Variants in PRKCH observed in about 807,000 individuals in gnomAD.
PRKCH encodes the protein protein kinase C eta type.
Under a neutral mutation model 82.5 loss-of-function variants are expected in PRKCH, and 28 were observed. The observed-to-expected ratio is 0.34, with a 90% CI of 0.25 to 0.47. PRKCH has a LOEUF of 0.47. PRKCH is among the 20% of genes least tolerant of loss of function. The pLI is 1.00. For missense variants in PRKCH, 705 were observed against 881.8 expected (o/e 0.80, Z 2.54); for synonymous variants, 322 against 327.4 (o/e 0.98, Z 0.18).
intron 10 of PRKCH, among the ~76,000 whole-genome samples, chr14:61,514,185 C>T (rs1488120493): frequency 1.3e-5 from 2 of 152,058 alleles, no homozygotes; most frequent in East Asian, 3.9e-4. Flanking sequence ...CCTGGCTGAC[C>T]CGTCTGCTCA....
intron 9 of PRKCH, among the ~76,000 whole-genome samples, chr14:61,466,822 T>C (rs533624317): frequency 6.6e-5 from 10 of 152,282 alleles, no homozygotes; most frequent in Non-Finnish European, 1.3e-4. Flanking sequence ...TGGGGCGTCT[T>C]TACGATGTCA....
intron 1 of PRKCH, among the ~76,000 whole-genome samples, chr14:61,345,646 A>G (rs1215088892): frequency 6.6e-6 from 1 of 152,246 alleles, no homozygotes; most frequent in Non-Finnish European, 1.5e-5. Context: ...TAAGTATTTC[A>G]TGTGCATTAA....
At chr14:61,405,679 A>G (rs946659335) in intron 2 of PRKCH, among the ~76,000 whole-genome samples, 1 of 152,124 alleles carries the variant, frequency 6.6e-6, no homozygotes, top group African/African-American at 2.4e-5. Context: ...TGCCTGGCCA[A>G]ATCTTCTATT....
chr14:61,391,774 G>T (rs1429775770), intron 2 of PRKCH, among the ~76,000 whole-genome samples: 1 of 152,038 alleles, frequency 6.6e-6, no homozygotes, highest in African/African-American at 2.4e-5. Flanking sequence ...TTTACTTGAG[G>T]TAAAATTTAT....
At chr14:61,524,058 A>C (rs946637153) in intron 10 of PRKCH, among the ~76,000 whole-genome samples, 1 of 152,248 alleles carries the variant, frequency 6.6e-6, no homozygotes, top group African/African-American at 2.4e-5. Flanking sequence ...AAAATAGTTC[A>C]TATAAATAGC....
chr14:61,366,960 G>A (rs2046304638), intron 1 of PRKCH, among the ~76,000 whole-genome samples: 1 of 152,096 alleles, frequency 6.6e-6, no homozygotes, highest in African/African-American at 2.4e-5. Context: ...ATAGCAGTGA[G>A]ATGCACTAAA....
intron 8 of PRKCH, 45 bp downstream of exon 8, chr14:61,457,364 G>T: frequency 6.2e-7 from 1 of 1,608,468 alleles, no homozygotes; most frequent in Non-Finnish European, 8.5e-7. Flanking sequence ...AGTGTGCTCT[G>T]TGTATGGGGG....
chr14:61,281,604 C>G (rs967059971), intron 1 of PRKCH: 1 of 167,858 alleles, frequency 6.0e-6, no homozygotes, highest in Non-Finnish European at 1.5e-5. Flanking sequence ...ACTAGAGTTC[C>G]TGGGCCAGTC....
At chr14:61,317,679 T>C (rs1566816942), upstream of PRKCH, among the ~76,000 whole-genome samples, 1 of 152,190 alleles carries the variant, frequency 6.6e-6, no homozygotes, top group South Asian at 2.1e-4. Flanking sequence ...CCATAATACC[T>C]GGACACCACA....
At chr14:61,456,384 C>T (rs1390740433) in intron 7 of PRKCH, among the ~76,000 whole-genome samples, 2 of 152,306 alleles carry the variant, frequency 1.3e-5, no homozygotes, top group Non-Finnish European at 2.9e-5. Flanking sequence ...GGGGAGATGC[C>T]TCATCCTTCT....
chr14:61,288,160 A>G (rs949542211), intron 1 of PRKCH, among the ~76,000 whole-genome samples: 3 of 152,116 alleles, frequency 2.0e-5, no homozygotes, highest in African/African-American at 7.2e-5. Flanking sequence ...ACATGCTTAG[A>G]TGTCTTTCCC....
At chr14:61,325,800 T>G (rs950136846) in intron 1 of PRKCH, among the ~76,000 whole-genome samples, 10 of 152,226 alleles carry the variant, frequency 6.6e-5, no homozygotes, top group African/African-American at 1.7e-4. Context: ...AAATGACTTG[T>G]AACTTGTCAA....
intron 2 of PRKCH, among the ~76,000 whole-genome samples, chr14:61,424,839 A>C (rs1466624535): frequency 6.6e-6 from 1 of 152,238 alleles, no homozygotes; most frequent in East Asian, 1.9e-4. Flanking sequence ...GACTGGGCCC[A>C]GGACCCTGCT....
intron 1 of PRKCH, among the ~76,000 whole-genome samples, chr14:61,261,842 A>T (rs1025356918): frequency 3.3e-5 from 5 of 152,294 alleles, no homozygotes; most frequent in African/African-American, 1.2e-4. Context: ...ATAAACAGGC[A>T]TCTACCCTAC....
chr14:61,411,895 G>A (rs1882286437), intron 2 of PRKCH, among the ~76,000 whole-genome samples: 1 of 152,242 alleles, frequency 6.6e-6, no homozygotes, highest in Admixed American at 6.5e-5. Context: ...GCCAGAAATA[G>A]TGCTTCTGCC....
chr14:61,214,507 G>T (rs1264235553), intron 1 of PRKCH, among the ~76,000 whole-genome samples: 1 of 152,054 alleles, frequency 6.6e-6, no homozygotes, highest in Non-Finnish European at 1.5e-5. Context: ...AGCTCGGGAT[G>T]CTATGGTAAA....
In PRKCH at chr14:61,474,762, A is replaced by G. The variant is rs896343988; in HGVS notation, c.1279-10740A>G. ...AATTGTGGGCATGTCATTTGCTTGA[A>G]CAGATTTTGTTCCCCAGCCAGAGGA... is the stretch of plus-strand genomic sequence containing the variant. On this transcript the variant is annotated intron_variant, in intron 9 of 13. Coordinates refer to ENST00000332981, the MANE Select transcript of PRKCH (RefSeq NM_006255.5). 2.6e-5 allele frequency among the ~76,000 whole-genome samples: 4 copies of G among 152,316 alleles called. No individual in the cohort carries two copies. The East Asian group carries it at 7.7e-4, about 29-fold the overall frequency.
At chr14:61,420,870 A>G (rs1447073255) in intron 2 of PRKCH, among the ~76,000 whole-genome samples, 1 of 152,162 alleles carries the variant, frequency 6.6e-6, no homozygotes. Flanking sequence ...CCCCAGTGCC[A>G]CTGCCATGGG....
At chr14:61,376,701 C>T (rs564627689) in intron 1 of PRKCH, among the ~76,000 whole-genome samples, 4 of 152,206 alleles carry the variant, frequency 2.6e-5, no homozygotes, top group Non-Finnish European at 5.9e-5. Flanking sequence ...CCAGCCCCAT[C>T]TACACCCCTC....
Sources: gnomAD v4.1 joint callset for allele counts (sites outside exome capture counted in the v4.1 genomes callset) on GRCh38, gnomAD v4.1.1 for gene constraint, MANE v1.5 for transcripts, NCBI Gene and HGNC (gene_info 2026-07-23, HGNC 2026-07-21) for gene names.